IRAG2: variants seen among roughly 807,000 people sequenced by gnomAD.
The protein encoded by IRAG2 is inositol 1,4,5-triphosphate receptor associated 2, also known as lymphoid restricted membrane protein.
A neutral mutation model predicts 69.9 loss-of-function variants in IRAG2; 45 were observed. The ratio of observed to expected loss-of-function variants is 0.64; its 90% CI spans 0.51 to 0.83. IRAG2 has a LOEUF of 0.83. IRAG2 is among the 40% of genes least tolerant of loss of function. IRAG2 has a pLI of 0.00. For missense variants in IRAG2, 520 were observed against 587.0 expected (o/e 0.89, Z 1.18); for synonymous variants, 193 against 202.4 (o/e 0.95, Z 0.40).
intron 3 of IRAG2, among the ~76,000 whole-genome samples, chr12:25,014,525 T>G (rs1275849392): frequency 6.6e-6 from 1 of 152,170 alleles, no homozygotes; most frequent in Non-Finnish European, 1.5e-5. Context: ...TAACAAAACT[T>G]AAATTATAAT....
chr12:25,023,012 G>T (rs1457325186), intron 7 of IRAG2, among the ~76,000 whole-genome samples: 1 of 151,950 alleles, frequency 6.6e-6, no homozygotes, highest in Non-Finnish European at 1.5e-5. Context: ...TGTAAGTCTG[G>T]CTACTCGGGA....
intron 16 of IRAG2, among the ~76,000 whole-genome samples, chr12:25,047,113 C>T (rs570265098): frequency 6.6e-6 from 1 of 152,284 alleles, no homozygotes; most frequent in South Asian, 2.1e-4. Context: ...GCAGGGATAA[C>T]TGGACATCCA....
intron 15 of IRAG2, 90 bp downstream of exon 15, chr12:25,097,134 G>A: frequency 7.5e-7 from 1 of 1,326,620 alleles, no homozygotes; most frequent in Non-Finnish European, 1.0e-6. Flanking sequence ...CTAGGAATAA[G>A]TTTTAAAAAA....
chr12:25,078,951 A>G (rs978388103), intron 6 of IRAG2, among the ~76,000 whole-genome samples: 1 of 152,248 alleles, frequency 6.6e-6, no homozygotes, highest in Admixed American at 6.5e-5. Flanking sequence ...AGCGTATGAA[A>G]TAAACCCTAT....
chr12:25,088,222 A>G, intron 11 of IRAG2, 65 bp downstream of exon 11: 27 of 1,288,130 alleles, frequency 2.1e-5, no homozygotes, highest in Non-Finnish European at 3.0e-5. Flanking sequence ...TTGTGGGTGA[A>G]ATCTGTCTGA....
intron 6 of IRAG2, among the ~76,000 whole-genome samples, chr12:25,075,166 C>A (rs1209323616): frequency 3.9e-5 from 6 of 152,200 alleles, no homozygotes. Flanking sequence ...TAGTTCTAAT[C>A]TTTTAAAATT....
At chr12:25,104,660 T>C (rs1027993946) in intron 20 of IRAG2, among the ~76,000 whole-genome samples, 198 bp downstream of exon 20, 1 of 152,210 alleles carries the variant, frequency 6.6e-6, no homozygotes, top group Non-Finnish European at 1.5e-5. Context: ...GCTCTCAGAA[T>C]GGCAAAGTTT....
upstream of IRAG2, among the ~76,000 whole-genome samples, chr12:25,003,784 T>C (rs1248547184): frequency 6.6e-6 from 1 of 152,150 alleles, no homozygotes; most frequent in Non-Finnish European, 1.5e-5. Flanking sequence ...TTAGACATAA[T>C]ACACATAAAA....
intron 16 of IRAG2, chr12:25,101,938 C>T: frequency 3.1e-6 from 2 of 649,772 alleles, no homozygotes; most frequent in Middle Eastern, 2.4e-4. Flanking sequence ...CTTTCTCCAG[C>T]AGACACACAT....
Position 25,106,974 on chromosome 12 carries a change from G to C in IRAG2, c.1180G>C (p.Glu394Gln). 1 of 1,603,692 alleles carries C rather than the reference G, an allele frequency of 6.2e-7. No homozygotes were observed. Among genetic ancestry groups the C allele is most frequent in the Non-Finnish European group, 8.5e-7 (1 of 1,173,824 alleles). Residue 394 changes from glutamate (E) to glutamine (Q), a missense_variant, in exon 21 of 22, where the codon GAA (glutamate) becomes CAA (glutamine). Glu to Gln is a conservative substitution (Grantham distance 29, BLOSUM62 2). Coordinates refer to ENST00000556887, the MANE Select transcript of IRAG2 (RefSeq NM_001366544.2). ...TKDDSEPSGE[E>Q]TVERTRKPSL... ...AGATGACTCAGAGCCATCTGGAGAA[G>C]AAACAGTAGAAAGGACAAGGAAGCC... is the stretch of plus-strand genomic sequence containing the variant.
intron 14 of IRAG2, among the ~76,000 whole-genome samples, chr12:25,095,357 G>T (rs1184175109): frequency 6.6e-6 from 1 of 152,080 alleles, no homozygotes; most frequent in Non-Finnish European, 1.5e-5. Context: ...TCATAAAAGT[G>T]TGTTCAATCT....
intron 10 of IRAG2, chr12:25,030,953 T>TA (rs1282395592): frequency 1.2e-6 from 1 of 847,806 alleles, no homozygotes; most frequent in African/African-American, 1.8e-5. Flanking sequence ...ATTGATTAGA[T>TA]AGATACATAG....
At chr12:25,008,464 T>G in intron 2 of IRAG2, among the ~76,000 whole-genome samples, 1 of 151,908 alleles carries the variant, frequency 6.6e-6, no homozygotes, top group Non-Finnish European at 1.5e-5. Context: ...TTAGGCGGAG[T>G]GCAGTGCTTC....
At chr12:24,999,890 A>G (rs1304426557), upstream of IRAG2, among the ~76,000 whole-genome samples, 3 of 152,136 alleles carry the variant, frequency 2.0e-5, no homozygotes, top group African/African-American at 7.2e-5. Context: ...TTTCCAGTAT[A>G]ACTATGTCCT....
chr12:25,037,322 A>G (rs189160929), intron 15 of IRAG2, among the ~76,000 whole-genome samples: 1 of 152,240 alleles, frequency 6.6e-6, no homozygotes, highest in East Asian at 1.9e-4. Flanking sequence ...GTTTTTTAAA[A>G]AGGAATCTCA....
chr12:24,999,155 T>C, the IRAG2 span, among the ~76,000 whole-genome samples: 1 of 152,248 alleles, frequency 6.6e-6, no homozygotes. Context: ...ACATTGTACA[T>C]ACGTAGTAGA....
exon 1 of IRAG2, chr12:25,004,798 T>C: frequency 8.1e-7 from 1 of 1,232,130 alleles, no homozygotes; most frequent in Non-Finnish European, 1.0e-6. Flanking sequence ...GAATAACTAT[T>C]GTAGTGAAAA....
At chr12:25,105,100 G>T (rs572863704) in intron 20 of IRAG2, among the ~76,000 whole-genome samples, 1 of 136,860 alleles carries the variant, frequency 7.3e-6, no homozygotes, top group African/African-American at 2.8e-5. Context: ...TTTTTGAGAC[G>T]GAGTCTTGCT....
chr12:25,034,750 A>T (rs1230854357), intron 13 of IRAG2, among the ~76,000 whole-genome samples: 2 of 152,230 alleles, frequency 1.3e-5, no homozygotes, highest in Non-Finnish European at 2.9e-5. Flanking sequence ...GCCACCTTGA[A>T]AGGAGAGAAA....
Sources: gnomAD v4.1 joint callset for allele counts (sites outside exome capture counted in the v4.1 genomes callset) on GRCh38, gnomAD v4.1.1 for gene constraint, MANE v1.5 for transcripts, NCBI Gene and HGNC (gene_info 2026-07-23, HGNC 2026-07-21) for gene names.